Variants in TMEM131L observed in about 807,000 individuals in gnomAD.
TMEM131L encodes transmembrane 131 like, also known as transmembrane protein 131-like.
A neutral mutation model predicts 192.2 loss-of-function variants in TMEM131L; 54 were observed. That is an observed-to-expected ratio of 0.28 (90% confidence interval 0.23 to 0.35). The LOEUF (loss-of-function observed/expected upper bound fraction) is 0.35. TMEM131L is among the 10% of genes least tolerant of loss of function. The pLI is 1.00. For synonymous variants in TMEM131L, 701 were observed against 704.9 expected (o/e 0.99, Z 0.09); for missense variants, 1,888 against 1,972.9 (o/e 0.96, Z 0.82).
At chr4:153,570,903 T>G (rs10024442) in intron 7 of TMEM131L, among the ~76,000 whole-genome samples, 18,588 of 152,172 alleles carry the variant, frequency 0.12, 3,422 homozygotes, top group African/African-American at 0.4. Context: ...GGCCTAGTGG[T>G]GATAGTTCCT....
At chr4:153,622,814 C>G (rs1733531919) in intron 28 of TMEM131L, 84 bp from the exon 29 acceptor site, 19 of 1,400,486 alleles carry the variant, frequency 1.4e-5, no homozygotes, top group Admixed American at 3.4e-5. Context: ...GGCCCTACTC[C>G]TCCTGTCACC....
chr4:153,582,420 GTTTTTTTTTGTTGTTTTTTT>G (rs1730406199), intron 9 of TMEM131L, among the ~76,000 whole-genome samples: 5 of 81,844 alleles, frequency 6.1e-5, no homozygotes, highest in African/African-American at 2.7e-4. Flanking sequence ...AATTTAAACC[GTTTTTTTTTGTTGTTTTTTT>G]TTTTTTTTTT....
At chr4:153,542,733 A>G (rs1736887657) in intron 3 of TMEM131L, among the ~76,000 whole-genome samples, 1 of 152,220 alleles carries the variant, frequency 6.6e-6, no homozygotes, top group South Asian at 2.1e-4. Context: ...AAGGTGAAGA[A>G]GGATCTTAAG....
chr4:153,570,577 C>G (rs1729520927), intron 7 of TMEM131L, among the ~76,000 whole-genome samples: 1 of 151,594 alleles, frequency 6.6e-6, no homozygotes, highest in African/African-American at 2.4e-5. Flanking sequence ...ACTCGGCCTG[C>G]CTTCCTTCTG....
Position 153,557,027 on chromosome 4 carries a change from G to A in TMEM131L, c.494G>A (p.Ser165Asn). 1 of 1,599,246 alleles carries A rather than the reference G, an allele frequency of 6.3e-7. No individual in the cohort carries two copies. The highest frequency in any genetic ancestry group is 8.6e-7 in the Non-Finnish European group (1 of 1,167,678). The change falls in exon 6 of 35, where the codon AGC becomes AAC. Residue 165 changes from serine to asparagine, a missense_variant. By Grantham distance (46) the Ser-to-Asn change is conservative. Coordinates refer to ENST00000409959, the MANE Select transcript of TMEM131L (RefSeq NM_001131007.2). ...RIIFLPTEEG[S>N]IESSLFINTS... ...ATTTTCTTACCTACTGAAGAAGGAA[G>A]CATTGAAAGTTCCTTATTTATTAAT...
At chr4:153,541,777 G>T (rs920242670) in intron 3 of TMEM131L, among the ~76,000 whole-genome samples, 1 of 152,242 alleles carries the variant, frequency 6.6e-6, no homozygotes, top group Non-Finnish European at 1.5e-5. Context: ...CCGGCAAAAA[G>T]AGGGATTAGC....
intron 7 of TMEM131L, among the ~76,000 whole-genome samples, chr4:153,566,518 A>AGAGTGT (rs1554034167): frequency 3.4e-5 from 5 of 145,758 alleles, no homozygotes; most frequent in African/African-American, 7.5e-5. Context: ...TGTGAGTGTG[A>AGAGTGT]GTGTGTGTGT....
chr4:153,611,287 A>G (rs1044685873), intron 25 of TMEM131L, among the ~76,000 whole-genome samples: 2 of 152,224 alleles, frequency 1.3e-5, no homozygotes, highest in Non-Finnish European at 2.9e-5. Context: ...CAACTGTCAA[A>G]CAAGAGAGGC....
At chr4:153,582,952 T>A (rs1730461424) in intron 9 of TMEM131L, among the ~76,000 whole-genome samples, 1 of 152,094 alleles carries the variant, frequency 6.6e-6, no homozygotes, top group African/African-American at 2.4e-5. Flanking sequence ...TCCTCATCAT[T>A]TAGAGGGCTT....
At position 153,536,530 on chromosome 4, in the gene TMEM131L, C is replaced by T. The variant is rs780104706; in HGVS notation, c.240-13543C>T. Reference sequence around the variant, plus strand: ...TGGAGGCATTCTGCCCACCTCCCCACAACCTCTAATAAAAGAAATCCTGAA... The same window carrying T: ...TGGAGGCATTCTGCCCACCTCCCCATAACCTCTAATAAAAGAAATCCTGAA... On this transcript the variant is annotated intron_variant, in intron 3 of 34. Coordinates refer to ENST00000409959, the MANE Select transcript of TMEM131L (RefSeq NM_001131007.2). Among the ~76,000 whole-genome samples the T allele has an allele frequency of 2.6e-5, 4 of 152,230 alleles. 1 individual carries two copies. Among genetic ancestry groups the T allele is most frequent in the Non-Finnish European group, 2.9e-5 (2 of 68,038 alleles).
intron 5 of TMEM131L, 130 bp downstream of exon 5, chr4:153,556,040 T>G: frequency 1.2e-6 from 1 of 847,896 alleles, no homozygotes; most frequent in East Asian, 3.2e-5. Context: ...CTTTTCCTTC[T>G]GTGTGTTTAC....
At chr4:153,497,195 G>A (rs1733235905) in intron 3 of TMEM131L, among the ~76,000 whole-genome samples, 2 of 152,128 alleles carry the variant, frequency 1.3e-5, no homozygotes, top group South Asian at 4.1e-4. Flanking sequence ...TGAGGACTTT[G>A]GGGAAAGTTT....
intron 2 of TMEM131L, among the ~76,000 whole-genome samples, chr4:153,472,783 C>A (rs114113836): frequency 1.4e-4 from 22 of 152,248 alleles, no homozygotes; most frequent in African/African-American, 5.3e-4. Flanking sequence ...TGCAAAGGCC[C>A]TGAGGCACTT....
At chr4:153,588,848 G>A (rs1182609541) in intron 15 of TMEM131L, 42 bp from the exon 16 acceptor site, 3 of 1,054,766 alleles carry the variant, frequency 2.8e-6, no homozygotes, top group East Asian at 4.7e-5. Context: ...ATTGAATTAT[G>A]TTTTCTGTAA....
chr4:153,507,141 T>G (rs1046459903), intron 3 of TMEM131L, among the ~76,000 whole-genome samples: 1 of 152,164 alleles, frequency 6.6e-6, no homozygotes, highest in African/African-American at 2.4e-5. Context: ...CTGCAGAGCC[T>G]TGAACAACAC....
At chr4:153,525,620 G>C (rs1490273606) in intron 3 of TMEM131L, among the ~76,000 whole-genome samples, 1 of 152,144 alleles carries the variant, frequency 6.6e-6, no homozygotes, top group Non-Finnish European at 1.5e-5. Context: ...GATTACAGGC[G>C]TGAGCCACCG....
intron 22 of TMEM131L, 69 bp from the exon 23 acceptor site, chr4:153,602,473 T>C: frequency 6.4e-7 from 1 of 1,552,536 alleles, no homozygotes; most frequent in South Asian, 1.1e-5. Context: ...TGATGTGTTG[T>C]CATTATTTTG....
intron 4 of TMEM131L, among the ~76,000 whole-genome samples, chr4:153,551,739 G>A (rs757804683): frequency 8.5e-5 from 13 of 152,178 alleles, no homozygotes; most frequent in East Asian, 1.9e-4. Flanking sequence ...GGAGTTTGCC[G>A]ACTTTATAAA....
intron 3 of TMEM131L, among the ~76,000 whole-genome samples, chr4:153,528,426 G>A (rs950556667): frequency 1.3e-5 from 2 of 152,210 alleles, no homozygotes; most frequent in Non-Finnish European, 2.9e-5. Context: ...AGAGTGTGAA[G>A]TCTGGTGGCA....
Sources: gnomAD v4.1 joint callset for allele counts (sites outside exome capture counted in the v4.1 genomes callset) on GRCh38, gnomAD v4.1.1 for gene constraint, MANE v1.5 for transcripts, NCBI Gene and HGNC (gene_info 2026-07-23, HGNC 2026-07-21) for gene names.